Variants in JAKMIP2 observed in about 807,000 individuals in gnomAD.
JAKMIP2 encodes the protein janus kinase and microtubule-interacting protein 2.
A neutral mutation model predicts 115.0 loss-of-function variants in JAKMIP2; 25 were observed. The observed-to-expected ratio is 0.22, with a 90% CI of 0.16 to 0.30. The LOEUF (loss-of-function observed/expected upper bound fraction) is 0.30, where lower values mean the gene tolerates loss of function less well. JAKMIP2 is among the 10% of genes least tolerant of loss of function. The pLI is 1.00. For missense variants in JAKMIP2, 642 were observed against 957.6 expected (o/e 0.67, Z 4.35); for synonymous variants, 334 against 343.6 (o/e 0.97, Z 0.31).
chr5:147,764,928 G>GAAAGAAAGAAAGAAA (rs1755072665), intron 1 of JAKMIP2, among the ~76,000 whole-genome samples: 2 of 76,674 alleles, frequency 2.6e-5, no homozygotes, highest in East Asian at 1.1e-3. Context: ...GAAAGAGAGA[G>GAAAGAAAGAAAGAAA]AGAGAGAGAG....
At chr5:147,654,414 G>A (rs1166138102) in intron 3 of JAKMIP2, among the ~76,000 whole-genome samples, 3 of 152,030 alleles carry the variant, frequency 2.0e-5, no homozygotes, top group East Asian at 1.9e-4. Flanking sequence ...AGCTCCCCTT[G>A]AAGAGGTCCC....
intron 12 of JAKMIP2, among the ~76,000 whole-genome samples, chr5:147,635,051 C>G (rs572545750): frequency 6.6e-6 from 1 of 152,258 alleles, no homozygotes; most frequent in South Asian, 2.1e-4. Flanking sequence ...GTGGCACATG[C>G]CTGTAATCCC....
chr5:147,731,546 A>C (rs1753734298), intron 1 of JAKMIP2, among the ~76,000 whole-genome samples: 2 of 152,222 alleles, frequency 1.3e-5, no homozygotes, highest in Admixed American at 6.5e-5. Context: ...GTGATCTCTT[A>C]AATTAATGGT....
At chr5:147,751,547 A>G (rs1754562632) in intron 1 of JAKMIP2, among the ~76,000 whole-genome samples, 1 of 118,042 alleles carries the variant, frequency 8.5e-6, no homozygotes, top group African/African-American at 3.3e-5. Context: ...TTGTTTTGTA[A>G]AGTGTCTTTA....
chr5:147,782,227 T>C (rs561002719), intron 1 of JAKMIP2, among the ~76,000 whole-genome samples: 277 of 152,230 alleles, frequency 1.8e-3, no homozygotes, highest in Middle Eastern at 3.4e-3. Context: ...CTGAGCCAGT[T>C]AGAGATAAAA....
At chr5:147,618,609 G>A (rs531256877) in intron 18 of JAKMIP2, among the ~76,000 whole-genome samples, 23 of 152,082 alleles carry the variant, frequency 1.5e-4, no homozygotes, top group African/African-American at 4.1e-4. Context: ...GTGGTGGTGC[G>A]CACCTGTAAT....
At chr5:147,672,931 A>G (rs1485568577) in intron 1 of JAKMIP2, among the ~76,000 whole-genome samples, 2 of 152,224 alleles carry the variant, frequency 1.3e-5, no homozygotes, top group African/African-American at 4.8e-5. Context: ...GAAAGGATAG[A>G]TGGCGGGGAG....
chr5:147,614,093 C>T (rs1756457944), intron 19 of JAKMIP2, among the ~76,000 whole-genome samples: 1 of 152,152 alleles, frequency 6.6e-6, no homozygotes, highest in African/African-American at 2.4e-5. Flanking sequence ...TGGACAAAAT[C>T]ATGAATATGT....
chr5:147,620,803 TG>T, intron 17 of JAKMIP2, 60 bp from the exon 18 acceptor site: 1 of 1,155,942 alleles, frequency 8.7e-7, no homozygotes, highest in South Asian at 1.3e-5. Context: ...GACGTACAAA[TG>T]GTATTGATTA....
intron 19 of JAKMIP2, among the ~76,000 whole-genome samples, chr5:147,617,083 G>A (rs1224747487): frequency 6.6e-6 from 1 of 152,118 alleles, no homozygotes; most frequent in Non-Finnish European, 1.5e-5. Flanking sequence ...ATTTTGACCA[G>A]GACCTCAGCC....
At position 147,622,539 on chromosome 5, in the gene JAKMIP2, G is replaced by A. The variant is rs1050411957; in HGVS notation, c.2064+1082C>T. 1.3e-4 allele frequency among the ~76,000 whole-genome samples: 20 copies of A among 152,270 alleles called. No individual in the cohort carries two copies. In the East Asian group the frequency reaches 2.7e-3, roughly 21 times the overall value. On this transcript the variant is annotated intron_variant, in intron 17 of 21. Coordinates refer to ENST00000616793, the MANE Select transcript of JAKMIP2 (RefSeq NM_001270941.2). The stretch of plus-strand genomic sequence containing the variant: ...CTGTGAATAGCTTATTTCACTTAAC[G>A]TAGTGTCCTGAAAGTACATCCATAT...
At chr5:147,628,667 G>C in intron 16 of JAKMIP2, 84 bp downstream of exon 16, 1 of 969,572 alleles carries the variant, frequency 1.0e-6, no homozygotes, top group Non-Finnish European at 1.6e-6. Flanking sequence ...CATGTGCAGA[G>C]GGAATGTCCT....
At chr5:147,601,942 T>C in intron 20 of JAKMIP2, 131 bp from the exon 21 acceptor site, 1 of 465,812 alleles carries the variant, frequency 2.1e-6, no homozygotes, top group Non-Finnish European at 3.9e-6. Context: ...CACCTTTTTG[T>C]TTAAAAAAAT....
intron 1 of JAKMIP2, among the ~76,000 whole-genome samples, chr5:147,695,863 G>A (rs956428994): frequency 6.6e-6 from 1 of 151,728 alleles, no homozygotes; most frequent in African/African-American, 2.4e-5. Flanking sequence ...CTTTTTTTCT[G>A]GCAAAATTAC....
intron 1 of JAKMIP2, among the ~76,000 whole-genome samples, chr5:147,743,045 T>C (rs1754209073): frequency 6.6e-6 from 1 of 152,220 alleles, no homozygotes; most frequent in Non-Finnish European, 1.5e-5. Flanking sequence ...ATAGTACCTG[T>C]AATCATAATC....
intron 1 of JAKMIP2, among the ~76,000 whole-genome samples, chr5:147,761,726 C>T (rs1754934839): frequency 1.3e-5 from 2 of 151,696 alleles, no homozygotes; most frequent in South Asian, 2.1e-4. Context: ...GTGTCAGAAG[C>T]GGAGAGTAAA....
rs1390531541 is a variant in JAKMIP2 at position 147,777,944 on chromosome 5, G to A, written c.-149+4512C>T. Among the ~76,000 whole-genome samples the A allele has an allele frequency of 2.0e-5, 3 of 152,110 alleles. No individual in the cohort carries two copies. In the East Asian group the frequency reaches 5.8e-4, roughly 29 times the overall value. ...GAGAATTTGTTCAGAGAAAATATCAGAAAGTCGTTGAACTGATGCACACTT... is the reference window on the plus strand; with the variant it reads ...GAGAATTTGTTCAGAGAAAATATCAAAAAGTCGTTGAACTGATGCACACTT... On this transcript the variant is annotated intron_variant, in intron 1 of 21. Coordinates refer to ENST00000616793, the MANE Select transcript of JAKMIP2 (RefSeq NM_001270941.2).
In JAKMIP2 at chr5:147,640,790, C is replaced by T; in HGVS notation, c.1315G>A (p.Glu439Lys). ...PVLDPFIGYD[E>K]DSMDSETSSM... Reference sequence around the variant, plus strand: ...GATGTCTCTGAATCCATAGAGTCCTCATCATAGCCAATAAACGGGTCCAAA... The same window carrying T: ...GATGTCTCTGAATCCATAGAGTCCTTATCATAGCCAATAAACGGGTCCAAA... Residue 439 changes from glutamate to lysine, a missense_variant, in exon 9 of 22, where the codon GAG becomes AAG. Glu to Lys is a moderately conservative substitution (Grantham distance 56). Around this residue, in one of 6 missense-constraint regions of JAKMIP2, gnomAD observed 439 missense variants for 570.9 expected, o/e 0.77. Coordinates refer to ENST00000616793, the MANE Select transcript of JAKMIP2 (RefSeq NM_001270941.2). The T allele has an allele frequency of 6.2e-7, 1 of 1,613,342 alleles. No individual in the cohort carries two copies. Among genetic ancestry groups the T allele is most frequent in the Non-Finnish European group, 8.5e-7 (1 of 1,179,558 alleles).
intron 20 of JAKMIP2, among the ~76,000 whole-genome samples, chr5:147,604,630 T>A (rs138278939): frequency 6.4e-4 from 97 of 152,230 alleles, no homozygotes; most frequent in African/African-American, 2.2e-3. Context: ...AGTTTGCTAC[T>A]TTCTTCTTGT....
Sources: gnomAD v4.1 joint callset for allele counts (sites outside exome capture counted in the v4.1 genomes callset) on GRCh38, gnomAD v4.1.1 for gene constraint, gnomAD v4.1.1 regional missense constraint, MANE v1.5 for transcripts, NCBI Gene and HGNC (gene_info 2026-07-23, HGNC 2026-07-21) for gene names.